The following COL22A1 variants were observed in gnomAD, a reference collection of about 807,000 sequenced individuals.
COL22A1 encodes collagen type XXII alpha 1 chain, also known as collagen alpha-1(XXII) chain.
A neutral mutation model predicts 248.9 loss-of-function variants in COL22A1; 221 were observed. That is an observed-to-expected ratio of 0.89 (90% confidence interval 0.80 to 0.99). The LOEUF is 0.99. COL22A1 is among the 50% of genes least tolerant of loss of function. COL22A1 has a pLI of 0.00. For missense variants in COL22A1, 2,240 were observed against 2,179.0 expected (o/e 1.03, Z -0.56); for synonymous variants, 891 against 793.4 (o/e 1.12, Z -2.07).
intron 41 of COL22A1, among the ~76,000 whole-genome samples, chr8:138,671,649 A>C (rs1017680391): frequency 1.7e-4 from 26 of 152,360 alleles, no homozygotes; most frequent in African/African-American, 6.0e-4. Flanking sequence ...ACCCACATGA[A>C]GCACTACAAG....
At chr8:138,738,563 T>C (rs753567196) in intron 22 of COL22A1, among the ~76,000 whole-genome samples, 5 of 152,152 alleles carry the variant, frequency 3.3e-5, no homozygotes, top group Non-Finnish European at 5.9e-5. Context: ...CCTTTCCTAA[T>C]TTACTCTGCA....
At chr8:138,817,495 C>T (rs1202256951) in intron 7 of COL22A1, among the ~76,000 whole-genome samples, 1 of 152,172 alleles carries the variant, frequency 6.6e-6, no homozygotes, top group Non-Finnish European at 1.5e-5. Flanking sequence ...GGCAGCACAG[C>T]TGGTATGCAC....
chr8:138,671,842 A>G (rs1190623050), intron 41 of COL22A1, among the ~76,000 whole-genome samples: 2 of 152,132 alleles, frequency 1.3e-5, no homozygotes, highest in African/African-American at 4.8e-5. Context: ...AGTACTATAA[A>G]TGTATTTTCT....
intron 4 of COL22A1, among the ~76,000 whole-genome samples, chr8:138,834,669 C>A (rs895823273): frequency 1.3e-5 from 2 of 152,130 alleles, no homozygotes; most frequent in South Asian, 2.1e-4. Flanking sequence ...TTCGAATGTA[C>A]GTCATTGCTG....
intron 12 of COL22A1, among the ~76,000 whole-genome samples, chr8:138,784,806 T>G (rs7460631): frequency 0.39 from 59,941 of 151,928 alleles, 15,145 homozygotes; most frequent in African/African-American, 0.72. Flanking sequence ...TGAAACAAAG[T>G]CACAGACAGC....
intron 60 of COL22A1, among the ~76,000 whole-genome samples, chr8:138,600,948 T>C (rs906606608): frequency 2.0e-5 from 3 of 152,190 alleles, no homozygotes; most frequent in Admixed American, 6.5e-5. Flanking sequence ...ACAGGACTTA[T>C]CCCATATTTC....
intron 45 of COL22A1, among the ~76,000 whole-genome samples, chr8:138,651,331 A>G (rs1822717359): frequency 6.6e-6 from 1 of 152,192 alleles, no homozygotes; most frequent in South Asian, 2.1e-4. Flanking sequence ...CAGAGGTAGA[A>G]TTATCTTTGC....
At chr8:138,641,706 C>T (rs191929441) in intron 47 of COL22A1, among the ~76,000 whole-genome samples, 3 of 152,220 alleles carry the variant, frequency 2.0e-5, no homozygotes, top group South Asian at 2.1e-4. Context: ...GTTACTTCCC[C>T]GATGCTGCAT....
intron 31 of COL22A1, among the ~76,000 whole-genome samples, chr8:138,702,934 C>T (rs192338875): frequency 1.3e-5 from 2 of 152,314 alleles, no homozygotes; most frequent in Admixed American, 1.3e-4. Context: ...ACCATGCCCA[C>T]CCTAACACGT....
At chr8:138,822,724 C>A (rs1005499676) in intron 6 of COL22A1, among the ~76,000 whole-genome samples, 5 of 152,096 alleles carry the variant, frequency 3.3e-5, no homozygotes, top group African/African-American at 1.2e-4. Flanking sequence ...GGAATGGAGA[C>A]CAGTGAGCAG....
chr8:138,654,795 C>T (rs982518160), intron 45 of COL22A1, among the ~76,000 whole-genome samples: 3 of 152,204 alleles, frequency 2.0e-5, no homozygotes, highest in Admixed American at 2.0e-4. Flanking sequence ...TCCAGCCATG[C>T]TGTGCCCTAT....
At chr8:138,902,420 G>A (rs1392207577) in intron 1 of COL22A1, among the ~76,000 whole-genome samples, 3 of 152,288 alleles carry the variant, frequency 2.0e-5, no homozygotes, top group South Asian at 2.1e-4. Flanking sequence ...TGACAGGCTG[G>A]GCCGCGATGG....
At chr8:138,626,328 G>A (rs538594956) in intron 50 of COL22A1, 85 bp from the exon 51 acceptor site, 2 of 1,069,052 alleles carry the variant, frequency 1.9e-6, no homozygotes, top group African/African-American at 3.2e-5. Flanking sequence ...CTGCATTCAT[G>A]GGTTGGGGGA....
chr8:138,721,789 G>T (rs1399173479), intron 26 of COL22A1, among the ~76,000 whole-genome samples: 1 of 152,176 alleles, frequency 6.6e-6, no homozygotes, highest in Non-Finnish European at 1.5e-5. Flanking sequence ...AAAATGCTGG[G>T]ATTACAGCTG....
intron 3 of COL22A1, among the ~76,000 whole-genome samples, chr8:138,868,152 G>C (rs571549704): frequency 6.6e-6 from 1 of 152,302 alleles, no homozygotes; most frequent in South Asian, 2.1e-4. Flanking sequence ...GATGCTTTTA[G>C]ACCTGAGTCC....
intron 39 of COL22A1, among the ~76,000 whole-genome samples, chr8:138,680,564 C>T (rs1279125473): frequency 6.6e-6 from 1 of 152,164 alleles, no homozygotes; most frequent in Non-Finnish European, 1.5e-5. Flanking sequence ...CAAGGAAAAC[C>T]TTCAAATAAC....
At chr8:138,848,442 A>AT (rs1456924614) in intron 3 of COL22A1, among the ~76,000 whole-genome samples, 1 of 152,058 alleles carries the variant, frequency 6.6e-6, no homozygotes, top group Non-Finnish European at 1.5e-5. Flanking sequence ...AAACACGTCC[A>AT]TTTTTTTGGC....
chr8:138,599,063 T>A (rs1390502298), intron 60 of COL22A1, among the ~76,000 whole-genome samples, 165 bp from the exon 61 acceptor site: 1 of 152,158 alleles, frequency 6.6e-6, no homozygotes, highest in Non-Finnish European at 1.5e-5. Flanking sequence ...CCAGAATCCA[T>A]CACATGCACT....
rs376029649 is a variant in COL22A1 at position 138,813,139 on chromosome 8, G to C, written c.1246-120C>G. On this transcript the variant is annotated intron_variant, in intron 7 of 64. Transcript: ENST00000303045. ...TCCACTTCCTCTTTGGGGTCTTCCT[G>C]AGTCCACCCCAGGATACCCCTATCC... The C allele has an allele frequency of 1.6e-4, 117 of 744,594 alleles. No homozygotes were observed. The East Asian group carries it at 2.3e-3, about 14-fold the overall frequency. 46.1% of individuals were successfully genotyped at this position (744,594 alleles called of 1,614,324 possible).
Sources: allele counts gnomAD v4.1 joint callset (sites outside exome capture counted in the v4.1 genomes callset), GRCh38; gene constraint gnomAD v4.1.1; transcripts MANE v1.5; gene names NCBI Gene and HGNC (gene_info 2026-07-23, HGNC 2026-07-21).